Variants in FSTL4 observed in about 807,000 individuals in gnomAD.
FSTL4 encodes follistatin-related protein 4.
In FSTL4, 28 loss-of-function variants were observed where a neutral mutation model predicts 78.2. That is an observed-to-expected ratio of 0.36 (90% confidence interval 0.27 to 0.49). The LOEUF is 0.49. Among genes scored for constraint, FSTL4 ranks in the 20% least tolerant of loss-of-function variants. The pLI, the probability that FSTL4 is intolerant of heterozygous loss-of-function variation, is 0.98. For synonymous variants in FSTL4, 422 were observed against 440.5 expected (o/e 0.96, Z 0.53); for missense variants, 922 against 1,084.9 (o/e 0.85, Z 2.11).
At chr5:133,787,850 C>T in the FSTL4 span, among the ~76,000 whole-genome samples, 1 of 152,252 alleles carries the variant, frequency 6.6e-6, no homozygotes, top group Non-Finnish European at 1.5e-5. Flanking sequence ...CCACCCTCCC[C>T]TGTTCTACCT....
the FSTL4 span, among the ~76,000 whole-genome samples, chr5:133,778,246 G>A: frequency 3.9e-5 from 6 of 152,162 alleles, no homozygotes; most frequent in Non-Finnish European, 8.8e-5. Flanking sequence ...GAACAAATGA[G>A]CAACGTGGGA....
intron 3 of FSTL4, among the ~76,000 whole-genome samples, chr5:133,416,111 G>A (rs1756577517): frequency 6.6e-6 from 1 of 152,144 alleles, no homozygotes; most frequent in Non-Finnish European, 1.5e-5. Context: ...GGAAGGGGCA[G>A]GGAAAAAATA....
chr5:133,423,331 C>T (rs1485653582), intron 3 of FSTL4, among the ~76,000 whole-genome samples: 1 of 152,224 alleles, frequency 6.6e-6, no homozygotes, highest in Non-Finnish European at 1.5e-5. Context: ...GGCGGTACCT[C>T]GTGCTGTCCT....
chr5:133,608,878 G>A (rs1761029354), intron 1 of FSTL4, among the ~76,000 whole-genome samples: 1 of 152,170 alleles, frequency 6.6e-6, no homozygotes, highest in African/African-American at 2.4e-5. Flanking sequence ...CCCACCCAGA[G>A]AACGCACACA....
chr5:133,292,401 C>T (rs72803128), intron 6 of FSTL4, among the ~76,000 whole-genome samples: 16,062 of 152,066 alleles, frequency 0.11, 1,059 homozygotes, highest in Non-Finnish European at 0.15. Context: ...CTACATGCTA[C>T]CTCCCAAGGC....
At chr5:133,484,850 T>C (rs1000347987) in intron 3 of FSTL4, among the ~76,000 whole-genome samples, 1 of 152,210 alleles carries the variant, frequency 6.6e-6, no homozygotes, top group African/African-American at 2.4e-5. Flanking sequence ...ATAGGTGTCA[T>C]AGAATTAGTT....
chr5:133,524,607 G>A (rs928763105), intron 3 of FSTL4, among the ~76,000 whole-genome samples: 4 of 152,206 alleles, frequency 2.6e-5, no homozygotes, highest in African/African-American at 9.7e-5. Flanking sequence ...CTTCTTCCAA[G>A]CTGCGTCTCT....
chr5:133,270,546 T>C (rs1752746149), intron 6 of FSTL4, among the ~76,000 whole-genome samples: 1 of 152,218 alleles, frequency 6.6e-6, no homozygotes, highest in South Asian at 2.1e-4. Context: ...CTAAATTTGA[T>C]AGGACGTGGG....
the FSTL4 span, among the ~76,000 whole-genome samples, chr5:133,699,895 A>AAC: frequency 1.3e-5 from 2 of 151,468 alleles, no homozygotes; most frequent in African/African-American, 4.9e-5. Flanking sequence ...AAAAAAAAAA[A>AAC]AAAAAACAAC....
the FSTL4 span, among the ~76,000 whole-genome samples, chr5:133,815,087 A>G: frequency 6.6e-6 from 1 of 152,144 alleles, no homozygotes; most frequent in African/African-American, 2.4e-5. Context: ...AGGGTTGAAA[A>G]CCACCACTCT....
chr5:133,625,803 CATAT>C, the FSTL4 span, among the ~76,000 whole-genome samples: 28 of 8,786 alleles, frequency 3.2e-3, 3 homozygotes, highest in East Asian at 9.8e-3. Flanking sequence ...ATATATATTC[CATAT>C]ATATATATTC....
chr5:133,341,567 T>C (rs145101996), intron 4 of FSTL4, among the ~76,000 whole-genome samples: 1 of 152,186 alleles, frequency 6.6e-6, no homozygotes, highest in East Asian at 1.9e-4. Flanking sequence ...CCCTTCCCCC[T>C]CTCTGTCTGG....
intron 2 of FSTL4, among the ~76,000 whole-genome samples, chr5:133,570,738 T>C (rs375477486): frequency 7.2e-4 from 110 of 152,292 alleles, no homozygotes; most frequent in Middle Eastern, 3.4e-3. Context: ...AAAAAGTTTT[T>C]GAAGGCATCC....
the FSTL4 span, among the ~76,000 whole-genome samples, chr5:133,821,353 T>G: frequency 6.6e-6 from 1 of 152,170 alleles, no homozygotes. Flanking sequence ...AGAAGCTGAA[T>G]TTAGCAGGAG....
chr5:133,697,673 G>A, the FSTL4 span, among the ~76,000 whole-genome samples: 4 of 152,218 alleles, frequency 2.6e-5, no homozygotes, highest in Non-Finnish European at 4.4e-5. Flanking sequence ...TAGATGGCAG[G>A]CTTCAGCAGT....
intron 6 of FSTL4, among the ~76,000 whole-genome samples, chr5:133,256,900 T>G (rs1752393990): frequency 6.6e-6 from 1 of 152,232 alleles, no homozygotes; most frequent in South Asian, 2.1e-4. Context: ...AGTGGGTAAT[T>G]TACTTTTTCA....
the FSTL4 span, among the ~76,000 whole-genome samples, chr5:133,800,902 T>C: frequency 1.3e-5 from 2 of 148,172 alleles, no homozygotes; most frequent in Admixed American, 1.3e-4. Context: ...CCTGAGGGAC[T>C]GCCTGGTGGT....
At position 133,259,053 on chromosome 5, in the gene FSTL4, G is replaced by T. The variant is rs1251844064; in HGVS notation, c.728-9477C>A. On this transcript the variant is annotated intron_variant, in intron 6 of 15. Coordinates refer to ENST00000265342, the MANE Select transcript of FSTL4 (RefSeq NM_015082.2). ...AGGGAGCAAGGGCTGGGGGTGGGGG[G>T]TGTCTCAGAATAGGCTGGCAGAGAA... is the stretch of plus-strand genomic sequence containing the variant. Among the ~76,000 whole-genome samples, 4 of 151,970 alleles carry T rather than the reference G, an allele frequency of 2.6e-5. No individual in the cohort carries two copies. In the East Asian group the frequency reaches 7.7e-4, roughly 29 times the overall value.
chr5:133,513,889 A>T (rs1008210191), intron 3 of FSTL4, among the ~76,000 whole-genome samples: 1 of 152,008 alleles, frequency 6.6e-6, no homozygotes, highest in African/African-American at 2.4e-5. Flanking sequence ...AATTAAATAA[A>T]CTGTCGGGGC....
Sources: allele counts gnomAD v4.1 joint callset (sites outside exome capture counted in the v4.1 genomes callset), GRCh38; gene constraint gnomAD v4.1.1; transcripts MANE v1.5; gene names NCBI Gene and HGNC (gene_info 2026-07-23, HGNC 2026-07-21).